Variants in TRMT44 observed in about 807,000 individuals in gnomAD.
TRMT44 encodes tRNA methyltransferase 44 homolog, also known as probable tRNA (uracil-O(2)-)-methyltransferase.
Under a neutral mutation model 77.3 loss-of-function variants are expected in TRMT44, and 78 were observed. The ratio of observed to expected loss-of-function variants is 1.01; its 90% confidence interval spans 0.84 to 1.22. The LOEUF (loss-of-function observed/expected upper bound fraction) is 1.22. TRMT44 is among the 50% of genes most tolerant of loss of function. The probability of loss-of-function intolerance (pLI) is 0.00; values close to 1 mark genes in which losing one functional copy is unlikely to be tolerated. For missense variants in TRMT44, 1,090 were observed against 964.4 expected (o/e 1.13, Z -1.73); for synonymous variants, 391 against 383.3 (o/e 1.02, Z -0.23).
At chr4:8,485,712 G>A (rs1354406262) in intron 2 of TRMT44, among the ~76,000 whole-genome samples, 1 of 152,168 alleles carries the variant, frequency 6.6e-6, no homozygotes, top group Non-Finnish European at 1.5e-5. Context: ...TCCAGGAATA[G>A]TCAGGGAAGC....
At chr4:8,470,755 G>A (rs1726923759) in intron 9 of TRMT44, among the ~76,000 whole-genome samples, 1 of 152,212 alleles carries the variant, frequency 6.6e-6, no homozygotes, top group African/African-American at 2.4e-5. Context: ...GCTCCAAACA[G>A]CCACCCCCCT....
the TRMT44 span, among the ~76,000 whole-genome samples, chr4:8,504,738 C>G: frequency 9.9e-5 from 15 of 152,274 alleles, no homozygotes; most frequent in East Asian, 2.9e-3. This position sits in a 1 kb window ranked among gnomAD's most constrained non-coding sequence, Gnocchi z 5.3. Context: ...TTGCTCTTGC[C>G]CCTGTCACAA....
Position 8,476,091 on chromosome 4 carries a change from G to A in TRMT44, c.*90G>A, listed in dbSNP as rs1727367237. On this transcript the variant is annotated 3_prime_UTR_variant, in exon 11 of 11. Coordinates refer to ENST00000389737, the MANE Select transcript of TRMT44 (RefSeq NM_152544.3). Reference sequence around the variant, plus strand: ...CGTCAGTGCTGTGGTCTCTGCTCTGGCTGTGTTTCAGCCCACCTCCTCCCA... The same window carrying A: ...CGTCAGTGCTGTGGTCTCTGCTCTGACTGTGTTTCAGCCCACCTCCTCCCA... 14 of 1,258,282 alleles carry A rather than the reference G, an allele frequency of 1.1e-5. No individual in the cohort carries two copies. Among genetic ancestry groups the A allele is most frequent in the Non-Finnish European group, 1.6e-5 (14 of 895,648 alleles). The allele number at this position is 1,258,282 out of a possible 1,614,324, so 77.9% of individuals were successfully genotyped here. A position where few individuals can be genotyped will look rare whatever the true frequency, so the allele number is the denominator to read the frequency against.
intron 6 of TRMT44, among the ~76,000 whole-genome samples, chr4:8,460,036 G>A (rs1726052075): frequency 2.0e-5 from 3 of 152,184 alleles, no homozygotes; most frequent in Non-Finnish European, 2.9e-5. Flanking sequence ...CCAGCCCTGG[G>A]CACTAGAGCC....
rs567235889 is a variant in TRMT44 at position 8,457,163 on chromosome 4, C to T, written c.1203+2350C>T. 4.6e-5 allele frequency among the ~76,000 whole-genome samples: 7 copies of T among 152,110 alleles called. No individual in the cohort carries two copies. The East Asian group carries it at 1.4e-3, about 29-fold the overall frequency. The stretch of plus-strand genomic sequence containing the variant: ...AATGCCAAAAAGGAGAGAAGTAAGC[C>T]CCAGAATTTAAGGCAGGAAGGGACA... On this transcript the variant is annotated intron_variant, in intron 6 of 10. Coordinates refer to ENST00000389737, the MANE Select transcript of TRMT44 (RefSeq NM_152544.3).
At chr4:8,499,196 G>T in the TRMT44 span, among the ~76,000 whole-genome samples, 2 of 152,034 alleles carry the variant, frequency 1.3e-5, no homozygotes, top group Non-Finnish European at 2.9e-5. Flanking sequence ...TAGGGTCCTG[G>T]GGCTCTGGGG....
rs1725504469 is a variant in TRMT44 at position 8,452,297 on chromosome 4, G to A, written c.1023+269G>A. On this transcript the variant is annotated intron_variant, in intron 4 of 10. Transcript: ENST00000389737. This position sits in a 1 kb window ranked among gnomAD's most constrained non-coding sequence, Gnocchi z 5.7. ...ACTCAGCAGTCATCGTGGAGGCACC[G>A]GCTGGCACAGGGAAGCACTGAGGAA... is the stretch of plus-strand genomic sequence containing the variant. Among the ~76,000 whole-genome samples, 3 of 152,348 alleles carry A rather than the reference G, an allele frequency of 2.0e-5. No individual in the cohort carries two copies. The highest frequency in any genetic ancestry group is 7.2e-5 in the African/African-American group (3 of 41,582).
At chr4:8,468,553 TC>T (rs1726763096) in intron 9 of TRMT44, 1 of 607,292 alleles carries the variant, frequency 1.6e-6, no homozygotes, top group South Asian at 2.0e-5. Context: ...CTTTGTTATT[TC>T]CAGGGAGTGA....
At chr4:8,475,160 C>T (rs1579087586) in intron 10 of TRMT44, among the ~76,000 whole-genome samples, 2 of 152,360 alleles carry the variant, frequency 1.3e-5, no homozygotes, top group East Asian at 3.9e-4. Context: ...GCAGAGGCTG[C>T]CCTGCACCAG....
intron 2 of TRMT44, among the ~76,000 whole-genome samples, chr4:8,482,633 G>A (rs1727659263): frequency 6.6e-6 from 1 of 152,138 alleles, no homozygotes; most frequent in Non-Finnish European, 1.5e-5. Flanking sequence ...TTTGAGCCAG[G>A]ATGAGCCAGG....
chr4:8,484,893 G>A (rs990649021), intron 2 of TRMT44, among the ~76,000 whole-genome samples: 1 of 152,180 alleles, frequency 6.6e-6, no homozygotes, highest in Non-Finnish European at 1.5e-5. Context: ...GAGAGCACAG[G>A]TGTTTTTATG....
chr4:8,499,598 TGTGTCCTGAGG>T, the TRMT44 span, among the ~76,000 whole-genome samples: 1 of 42,044 alleles, frequency 2.4e-5, no homozygotes, highest in East Asian at 6.7e-4. Context: ...GTCGATTTAG[TGTGTCCTGAGG>T]GTCGATTTAG....
In TRMT44 at chr4:8,446,624, G is replaced by T. The variant is rs549351264; in HGVS notation, c.734+34G>T. 246 of 1,438,758 alleles carry T rather than the reference G, an allele frequency of 1.7e-4. 1 individual carries two copies. In the African/African-American group the frequency reaches 3.2e-3, roughly 19 times the overall value. 89.1% of individuals were successfully genotyped at this position (1,438,758 alleles called of 1,614,324 possible). A position where few individuals can be genotyped will look rare whatever the true frequency, so the allele number is the denominator to read the frequency against. On this transcript the variant is annotated intron_variant, in intron 2 of 10. Transcript: ENST00000389737. The surrounding 1 kb of genome is among the most constrained non-coding windows in gnomAD (Gnocchi z 4.3). ...TGGACAGTGGACTCCTAGTTTTATGGTTTCCATTGAGGATTTCTTTAGGTA... is the reference window on the plus strand; with the variant it reads ...TGGACAGTGGACTCCTAGTTTTATGTTTTCCATTGAGGATTTCTTTAGGTA...
At chr4:8,443,753 G>A (rs1029592222) in intron 1 of TRMT44, among the ~76,000 whole-genome samples, 2 of 152,132 alleles carry the variant, frequency 1.3e-5, no homozygotes, top group East Asian at 3.8e-4. Flanking sequence ...TAATGTGACT[G>A]TTCGAGACCA....
At position 8,440,820 on chromosome 4, in the gene TRMT44, G is replaced by T. The variant is rs1388437476; in HGVS notation, c.-3G>T. 6 of 1,452,178 alleles carry T rather than the reference G, an allele frequency of 4.1e-6. No individual in the cohort carries two copies. The highest frequency in any genetic ancestry group is 4.1e-5 in the South Asian group (3 of 72,648). 90.0% of individuals were successfully genotyped at this position (1,452,178 alleles called of 1,614,324 possible). On this transcript the variant is annotated 5_prime_UTR_variant, in exon 1 of 11. Coordinates refer to ENST00000389737, the MANE Select transcript of TRMT44 (RefSeq NM_152544.3). ...TGCCAGGGCTGTACACCTGCTGGCTGCCATGGCTGAGGTGGGCCGTACCGG... is the reference window on the plus strand; with the variant it reads ...TGCCAGGGCTGTACACCTGCTGGCTTCCATGGCTGAGGTGGGCCGTACCGG...
rs1725464207 is a variant in TRMT44, at chr4:8,451,709, A to G, written c.955-251A>G. Among the ~76,000 whole-genome samples the G allele has an allele frequency of 6.6e-6, 1 of 152,216 alleles. No homozygotes were observed. Among genetic ancestry groups the G allele is most frequent in the African/African-American group, 2.4e-5 (1 of 41,456 alleles). On this transcript the variant is annotated intron_variant, in intron 3 of 10. Transcript: ENST00000389737. The surrounding 1 kb of genome is among the most constrained non-coding windows in gnomAD (Gnocchi z 4.1). Reference sequence around the variant, plus strand: ...TTCCTCTGTGTCCACTGCCTCAGCTAAATGCCTTAGGTACATTCTGTTGAT... The same window carrying G: ...TTCCTCTGTGTCCACTGCCTCAGCTGAATGCCTTAGGTACATTCTGTTGAT...
rs1253836589 is a variant in TRMT44, at chr4:8,452,921, G to T, written c.1063G>T (p.Ala355Ser). 4 of 1,533,174 alleles carry T rather than the reference G, an allele frequency of 2.6e-6. No homozygotes were observed. The highest frequency in any genetic ancestry group is 1.4e-5 in the African/African-American group (1 of 72,876). The allele number at this position is 1,533,174 out of a possible 1,614,324, so 95.0% of individuals were successfully genotyped here. ...AGAAAGGGCTGAGAGGAGACTAACT[G>T]CCAGGCAGTCCTTTGTGGACCTGGG... ...EEERAERRLT[A>S]RQSFVDLGCG... The change falls in exon 5 of 11, where the codon GCC becomes TCC. Residue 355 changes from alanine to serine, a missense_variant. By Grantham distance (99) the Ala-to-Ser change is moderately conservative. Coordinates refer to ENST00000389737, the MANE Select transcript of TRMT44 (RefSeq NM_152544.3). The surrounding 1 kb of genome is among the most constrained non-coding windows in gnomAD (Gnocchi z 5.7).
rs1253645512 is a variant in TRMT44, at chr4:8,465,512, G to A, written c.1445G>A (p.Cys482Tyr). 3 of 1,614,116 alleles carry A rather than the reference G, an allele frequency of 1.9e-6. No individual in the cohort carries two copies. In the East Asian group the frequency reaches 6.7e-5, roughly 36 times the overall value. The change falls in exon 8 of 11, where the codon TGT becomes TAT. Residue 482 changes from cysteine to tyrosine, a missense_variant. Coordinates refer to ENST00000389737, the MANE Select transcript of TRMT44 (RefSeq NM_152544.3). Reference protein sequence around the residue: ...LDFIKEVGFTCGFHVDEDCLR... With the variant: ...LDFIKEVGFTYGFHVDEDCLR... ...TTCATTAAAGAAGTGGGCTTCACCT[G>A]TGGGTTTCACGTGGACGAAGACTGC...
At chr4:8,507,770 G>A in the TRMT44 span, among the ~76,000 whole-genome samples, 81 of 152,246 alleles carry the variant, frequency 5.3e-4, no homozygotes, top group African/African-American at 1.9e-3. Flanking sequence ...AGCGTGTTCC[G>A]GCCCCCGCTC....
Sources: gnomAD v4.1 joint callset for allele counts (sites outside exome capture counted in the v4.1 genomes callset) on GRCh38, gnomAD v4.1.1 for gene constraint, Gnocchi (gnomAD v3.1) non-coding constraint, MANE v1.5 for transcripts, NCBI Gene and HGNC (gene_info 2026-07-23, HGNC 2026-07-21) for gene names.